The following CNTNAP2 variants were observed in gnomAD, a reference collection of about 807,000 sequenced individuals.
CNTNAP2 encodes the protein contactin associated protein 2, also known as contactin-associated protein-like 2.
CNTNAP2 carries 98 observed loss-of-function variants against 155.2 expected under a neutral mutation model. That is an observed-to-expected ratio of 0.63 (90% confidence interval 0.54 to 0.75). The LOEUF (loss-of-function observed/expected upper bound fraction) is 0.75. CNTNAP2 is among the 30% of genes least tolerant of loss of function. The pLI, the probability that CNTNAP2 is intolerant of heterozygous loss-of-function variation, is 0.00. For synonymous variants in CNTNAP2, 651 were observed against 631.2 expected, an observed-to-expected ratio of 1.03 and a Z score of -0.47; for missense variants, 1,727 against 1,688.1, an observed-to-expected ratio of 1.02 and a Z score of -0.40.
chr7:147,762,212 T>A (rs1434839550), intron 13 of CNTNAP2, among the ~76,000 whole-genome samples: 3 of 143,344 alleles, frequency 2.1e-5, no homozygotes, highest in South Asian at 2.2e-4. Flanking sequence ...AGAAACAACA[T>A]AAGAAAAGTT....
In CNTNAP2 at chr7:146,727,158, A is replaced by G. The variant is rs1008988479; in HGVS notation, c.98-47113A>G. Among the ~76,000 whole-genome samples the G allele has an allele frequency of 6.6e-5, 10 of 152,180 alleles. 1 individual carries two copies. Among genetic ancestry groups the G allele is most frequent in the Admixed American group, 3.9e-4 (6 of 15,276 alleles). On this transcript the variant is annotated intron_variant, in intron 1 of 23. Coordinates refer to ENST00000361727, the MANE Select transcript of CNTNAP2 (RefSeq NM_014141.6). ...AGTATCAGCAGTTTTCAGGTAATCA[A>G]TAAAATAAATACGAGATATCCCCAT...
At chr7:146,397,186 G>A (rs1358083) in intron 1 of CNTNAP2, among the ~76,000 whole-genome samples, 27,198 of 152,048 alleles carry the variant, frequency 0.18, 3,775 homozygotes, top group African/African-American at 0.39. Context: ...ACTGATTCTG[G>A]GTCCATTTTC....
chr7:148,160,522 C>A (rs187608233), intron 17 of CNTNAP2, among the ~76,000 whole-genome samples: 1 of 152,022 alleles, frequency 6.6e-6, no homozygotes, highest in South Asian at 2.1e-4. Flanking sequence ...GTGTTTGTAT[C>A]CTTTTGTTTA....
intron 3 of CNTNAP2, among the ~76,000 whole-genome samples, chr7:146,912,916 CAT>C (rs1796315747): frequency 6.6e-6 from 1 of 152,130 alleles, no homozygotes; most frequent in Admixed American, 6.6e-5. Flanking sequence ...TTGATATACT[CAT>C]ATGTTATACG....
intron 14 of CNTNAP2, among the ~76,000 whole-genome samples, chr7:147,938,893 C>T (rs1210718794): frequency 1.3e-5 from 2 of 152,160 alleles, no homozygotes; most frequent in Non-Finnish European, 2.9e-5. Flanking sequence ...CAACTGGAGG[C>T]TTAAGGCTAC....
chr7:146,926,006 C>A (rs1365344427), intron 3 of CNTNAP2, among the ~76,000 whole-genome samples: 2 of 152,024 alleles, frequency 1.3e-5, no homozygotes, highest in East Asian at 1.9e-4. Flanking sequence ...GAAGACCAGC[C>A]GTTTCACTAT....
At chr7:146,871,363 T>A (rs542682934) in intron 3 of CNTNAP2, among the ~76,000 whole-genome samples, 1 of 151,896 alleles carries the variant, frequency 6.6e-6, no homozygotes, top group African/African-American at 2.4e-5. Context: ...AAACCCCATC[T>A]CTACTAAAAT....
chr7:147,265,662 A>C (rs1804590623), intron 8 of CNTNAP2, among the ~76,000 whole-genome samples: 1 of 152,178 alleles, frequency 6.6e-6, no homozygotes, highest in Admixed American at 6.5e-5. Context: ...GGACAGTCAA[A>C]GTGCTTTGTT....
chr7:146,962,685 G>C (rs780926216), intron 3 of CNTNAP2, among the ~76,000 whole-genome samples: 11 of 152,020 alleles, frequency 7.2e-5, no homozygotes, highest in Non-Finnish European at 1.5e-4. Flanking sequence ...TGAGTAGCTG[G>C]GATTACAGGC....
chr7:147,273,002 ATTC>A (rs71996421), intron 8 of CNTNAP2, among the ~76,000 whole-genome samples: 3,987 of 152,124 alleles, frequency 0.026, 162 homozygotes, highest in African/African-American at 0.088. Flanking sequence ...GTTTTTAGCT[ATTC>A]TTCTTTTCCA....
rs578096243 is a variant in CNTNAP2 at position 146,549,579 on chromosome 7, C to T, written c.98-224692C>T. On this transcript the variant is annotated intron_variant, in intron 1 of 23. Transcript: ENST00000361727. ...GAATACACATATATCTATTTGCAGCCTCTCTGTCATAAGGGCTATGACAAA... is the reference window on the plus strand; with the variant it reads ...GAATACACATATATCTATTTGCAGCTTCTCTGTCATAAGGGCTATGACAAA... Among the ~76,000 whole-genome samples, 14 of 152,096 alleles carry T rather than the reference C, an allele frequency of 9.2e-5. No individual in the cohort carries two copies. In the South Asian group the frequency reaches 2.9e-3, roughly 32 times the overall value.
At chr7:147,743,929 A>G (rs1796996991) in intron 13 of CNTNAP2, among the ~76,000 whole-genome samples, 2 of 151,914 alleles carry the variant, frequency 1.3e-5, no homozygotes, top group Admixed American at 6.6e-5. Context: ...TTCGAAACCC[A>G]CCTCTGCCTT....
intron 1 of CNTNAP2, among the ~76,000 whole-genome samples, chr7:146,576,542 G>A (rs929027556): frequency 5.9e-5 from 9 of 152,230 alleles, no homozygotes; most frequent in Non-Finnish European, 1.3e-4. Context: ...CTCTAAAAAC[G>A]CTGGAGTTCT....
chr7:147,654,520 T>C (rs1193578370), intron 13 of CNTNAP2, among the ~76,000 whole-genome samples: 2 of 152,184 alleles, frequency 1.3e-5, no homozygotes, highest in Non-Finnish European at 2.9e-5. Flanking sequence ...ATTGCAGCAA[T>C]TCAGTTACAT....
At chr7:146,142,096 C>G (rs1282437174) in intron 1 of CNTNAP2, among the ~76,000 whole-genome samples, 1 of 152,146 alleles carries the variant, frequency 6.6e-6, no homozygotes, top group African/African-American at 2.4e-5. Flanking sequence ...TTAACTTTCA[C>G]AATAAGCACT....
intron 11 of CNTNAP2, among the ~76,000 whole-genome samples, chr7:147,555,575 C>A (rs1399926196): frequency 6.6e-6 from 1 of 152,178 alleles, no homozygotes; most frequent in East Asian, 1.9e-4. Flanking sequence ...TTCCCAGTTT[C>A]ATATCAAATC....
chr7:148,388,277 A>G (rs1799263001), intron 22 of CNTNAP2, among the ~76,000 whole-genome samples: 1 of 148,424 alleles, frequency 6.7e-6, no homozygotes, highest in Admixed American at 6.7e-5. Flanking sequence ...TATATCTCCC[A>G]GTGCTATCCC....
intron 14 of CNTNAP2, among the ~76,000 whole-genome samples, chr7:147,958,088 T>C (rs1428008765): frequency 6.6e-6 from 1 of 152,074 alleles, no homozygotes; most frequent in African/African-American, 2.4e-5. Flanking sequence ...AATAAACCAA[T>C]AGGACATATT....
At chr7:146,712,341 T>G (rs1404852199) in intron 1 of CNTNAP2, among the ~76,000 whole-genome samples, 8 of 126,382 alleles carry the variant, frequency 6.3e-5, no homozygotes, top group African/African-American at 2.9e-4. Flanking sequence ...CTATATAGTA[T>G]ACATATCTTA....
Sources: allele counts gnomAD v4.1 joint callset (sites outside exome capture counted in the v4.1 genomes callset), GRCh38; gene constraint gnomAD v4.1.1; transcripts MANE v1.5; gene names NCBI Gene and HGNC (gene_info 2026-07-23, HGNC 2026-07-21).